RAP1GAP2: variants seen among roughly 807,000 people sequenced by gnomAD.
RAP1GAP2 encodes rap1 GTPase-activating protein 2.
In RAP1GAP2, 27 loss-of-function variants were observed where a neutral mutation model predicts 95.0. That is an observed-to-expected ratio of 0.28 (90% confidence interval 0.21 to 0.39). The LOEUF (loss-of-function observed/expected upper bound fraction) is 0.39, where lower values mean the gene tolerates loss of function less well. Ranked by LOEUF, RAP1GAP2 falls within the 10% of genes least tolerant of loss-of-function variation. The pLI, the probability that RAP1GAP2 is intolerant of heterozygous loss-of-function variation, is 1.00. For synonymous variants in RAP1GAP2, 373 were observed against 380.9 expected (o/e 0.98, Z 0.24); for missense variants, 771 against 970.0 (o/e 0.79, Z 2.72).
At chr17:2,856,012 C>T (rs763224570) in intron 2 of RAP1GAP2, among the ~76,000 whole-genome samples, 3 of 152,198 alleles carry the variant, frequency 2.0e-5, no homozygotes, top group Non-Finnish European at 4.4e-5. Flanking sequence ...CTGATGCCAG[C>T]GACATGTGTG....
chr17:2,914,322 G>A (rs148936261), intron 3 of RAP1GAP2, among the ~76,000 whole-genome samples: 83 of 152,162 alleles, frequency 5.5e-4, no homozygotes, highest in African/African-American at 1.9e-3. Flanking sequence ...CTACTTGAAC[G>A]GTATCTCATT....
At chr17:2,901,244 A>T (rs1246904278) in intron 2 of RAP1GAP2, among the ~76,000 whole-genome samples, 1 of 152,182 alleles carries the variant, frequency 6.6e-6, no homozygotes, top group Non-Finnish European at 1.5e-5. Flanking sequence ...GAGAAGGGGC[A>T]GGGCCTCCAG....
At chr17:2,841,303 ATT>A (rs35885315) in intron 2 of RAP1GAP2, among the ~76,000 whole-genome samples, 5 of 126,990 alleles carry the variant, frequency 3.9e-5, no homozygotes, top group Non-Finnish European at 3.2e-5. Context: ...GATATGGGGA[ATT>A]TTTTTTTTTT....
chr17:3,004,098 C>A lies in RAP1GAP2; in HGVS notation c.1201-1271C>A, dbSNP rs1597849201. Among the ~76,000 whole-genome samples, 1 of 152,332 alleles carries A rather than the reference C, an allele frequency of 6.6e-6. No homozygotes were observed. The highest frequency in any genetic ancestry group is 2.1e-4 in the South Asian group (1 of 4,826). Reference sequence around the variant, plus strand: ...GTCTGCAGTCTCCCCATAGCCTTCCCACACCCCCACCCCTGATTCTGGCTC... The same window carrying A: ...GTCTGCAGTCTCCCCATAGCCTTCCAACACCCCCACCCCTGATTCTGGCTC... On this transcript the variant is annotated intron_variant, in intron 14 of 24. Transcript: ENST00000254695. This position sits in a 1 kb window ranked among gnomAD's most constrained non-coding sequence, Gnocchi z 4.1.
intron 2 of RAP1GAP2, among the ~76,000 whole-genome samples, chr17:2,843,927 G>A (rs1049587187): frequency 1.3e-5 from 2 of 152,096 alleles, no homozygotes; most frequent in African/African-American, 4.8e-5. Context: ...TGAGCGAGGG[G>A]TTGGGGGCGG....
chr17:2,811,869 G>A (rs60070051), intron 2 of RAP1GAP2, among the ~76,000 whole-genome samples: 5,756 of 152,040 alleles, frequency 0.038, 201 homozygotes, highest in East Asian at 0.14. Context: ...GTGAGCCACT[G>A]CGCCTGGCCT....
intron 1 of RAP1GAP2, among the ~76,000 whole-genome samples, chr17:2,763,758 G>T (rs1205689356): frequency 1.3e-5 from 2 of 151,384 alleles, no homozygotes; most frequent in East Asian, 1.9e-4. Flanking sequence ...GGAGATGGGG[G>T]TGGAGAGCGG....
At chr17:2,992,183 G>A (rs956610866) in intron 12 of RAP1GAP2, among the ~76,000 whole-genome samples, 242 of 133,574 alleles carry the variant, frequency 1.8e-3, no homozygotes, top group African/African-American at 6.4e-3. Flanking sequence ...TTTTTTTTGA[G>A]ATGGAGTCAT....
intron 14 of RAP1GAP2, among the ~76,000 whole-genome samples, chr17:3,002,114 C>G (rs1332013824): frequency 6.6e-6 from 1 of 152,156 alleles, no homozygotes; most frequent in African/African-American, 2.4e-5. Context: ...AGGCACCCAC[C>G]ACCATGCCCG....
At chr17:2,873,510 A>AGC (rs1567729415) in intron 2 of RAP1GAP2, among the ~76,000 whole-genome samples, 1 of 131,496 alleles carries the variant, frequency 7.6e-6, no homozygotes, top group African/African-American at 2.8e-5. Flanking sequence ...AAAAAAAAAA[A>AGC]AGCAGCAGCA....
Position 3,006,004 on chromosome 17 carries a change from A to G in RAP1GAP2, c.1322A>G (p.Asn441Ser). The change falls in exon 16 of 25, where the codon AAC (asparagine) becomes AGC (serine). Residue 441 changes from asparagine to serine, a missense_variant. By Grantham distance (46) the Asn-to-Ser change is conservative (BLOSUM62 1). Transcript: ENST00000254695. ...FLLTKLTNAE[N>S]ACCKSDKFAK... ...CTCACCAAGCTCACCAATGCCGAGA[A>G]CGCCTGCTGCAAGTCGGACAAGTTT... The G allele has an allele frequency of 6.2e-7, 1 of 1,613,818 alleles. No homozygotes were observed. Among genetic ancestry groups the G allele is most frequent in the Non-Finnish European group, 8.5e-7 (1 of 1,179,834 alleles).
chr17:2,803,665 G>A (rs894261671), intron 2 of RAP1GAP2, among the ~76,000 whole-genome samples: 2 of 152,206 alleles, frequency 1.3e-5, no homozygotes, highest in Non-Finnish European at 2.9e-5. Flanking sequence ...GATCATTTGA[G>A]GTCAGGAGTT....
At position 2,965,571 on chromosome 17, in the gene RAP1GAP2, G is replaced by C. The variant is rs2044555352; in HGVS notation, c.524G>C (p.Ser175Thr). ...CTAAACTTTTACTGTACCGGCAGCA[G>C]CCTGGGGAACTTGATCCTGTCCGTC... ...DHLNFYCTGSSLGNLILSVKC... is the reference protein window; with the variant it reads ...DHLNFYCTGSTLGNLILSVKC... The change falls in exon 8 of 25, where the codon AGC becomes ACC. Residue 175 changes from serine (S) to threonine (T), a missense_variant. Coordinates refer to ENST00000254695, the MANE Select transcript of RAP1GAP2 (RefSeq NM_015085.5). The surrounding 1 kb of genome is among the most constrained non-coding windows in gnomAD (Gnocchi z 4.7). 1 of 1,612,866 alleles carries C rather than the reference G, an allele frequency of 6.2e-7. No individual in the cohort carries two copies. Among genetic ancestry groups the C allele is most frequent in the Admixed American group, 1.7e-5 (1 of 59,846 alleles).
At chr17:2,777,676 C>G (rs988942336) in intron 1 of RAP1GAP2, among the ~76,000 whole-genome samples, 2 of 152,180 alleles carry the variant, frequency 1.3e-5, no homozygotes, top group Admixed American at 1.3e-4. Context: ...CTATAGCTCC[C>G]CCTACATGCT....
At chr17:2,967,418 A>G (rs868618792) in intron 8 of RAP1GAP2, among the ~76,000 whole-genome samples, 8 of 152,132 alleles carry the variant, frequency 5.3e-5, no homozygotes, top group Non-Finnish European at 1.2e-4. Context: ...ACAAAAAGCA[A>G]TGTCGTATGG....
Position 2,815,153 on chromosome 17 carries a change from T to C in RAP1GAP2, c.80+14603T>C, listed in dbSNP as rs73976594. Among the ~76,000 whole-genome samples the C allele has an allele frequency of 9.3e-3, 1,417 of 152,230 alleles. 14 individuals carry two copies. Among genetic ancestry groups the C allele is most frequent in the African/African-American group, 0.032 (1,332 of 41,540 alleles). ...CAGCCTGGGTGGGGCCCAGGAAACC[T>C]GTGTGTTACCAGCGCTGAGGTGCTG... On this transcript the variant is annotated intron_variant, in intron 2 of 24. Coordinates refer to ENST00000254695, the MANE Select transcript of RAP1GAP2 (RefSeq NM_015085.5).
chr17:2,833,689 C>CAAA (rs112909808), intron 2 of RAP1GAP2, among the ~76,000 whole-genome samples: 32 of 53,506 alleles, frequency 6.0e-4, no homozygotes, highest in Non-Finnish European at 7.5e-4. Flanking sequence ...GACTCCGTCT[C>CAAA]AAAAAAAAAA....
intron 2 of RAP1GAP2, among the ~76,000 whole-genome samples, chr17:2,848,844 T>C (rs1245342342): frequency 6.6e-6 from 1 of 152,160 alleles, no homozygotes; most frequent in African/African-American, 2.4e-5. Flanking sequence ...TAGAAACTGC[T>C]TCCCGACCTC....
chr17:2,994,738 G>T (rs577443326), intron 12 of RAP1GAP2, among the ~76,000 whole-genome samples: 2 of 152,332 alleles, frequency 1.3e-5, no homozygotes, highest in African/African-American at 2.4e-5. Context: ...GGATGGATGC[G>T]CTTCCTTCCC....
Sources: gnomAD v4.1 joint callset for allele counts (sites outside exome capture counted in the v4.1 genomes callset) on GRCh38, gnomAD v4.1.1 for gene constraint, Gnocchi (gnomAD v3.1) non-coding constraint, MANE v1.5 for transcripts, NCBI Gene and HGNC (gene_info 2026-07-23, HGNC 2026-07-21) for gene names.